ADD3: variants seen among roughly 807,000 people sequenced by gnomAD.
ADD3 encodes adducin 3, also known as gamma-adducin.
Under a neutral mutation model 80.2 loss-of-function variants are expected in ADD3, and 25 were observed. The ratio of observed to expected loss-of-function variants is 0.31; its 90% CI spans 0.23 to 0.44. The LOEUF (loss-of-function observed/expected upper bound fraction) is 0.44. Among genes scored for constraint, ADD3 ranks in the 20% least tolerant of loss-of-function variants. ADD3 has a pLI of 1.00. For missense variants in ADD3, 829 were observed against 847.5 expected (o/e 0.98, Z 0.27); for synonymous variants, 284 against 289.6 (o/e 0.98, Z 0.20).
chr10:110,121,212 G>A (rs985657141), intron 8 of ADD3, among the ~76,000 whole-genome samples: 12 of 152,078 alleles, frequency 7.9e-5, no homozygotes, highest in African/African-American at 1.4e-4. Flanking sequence ...GGCCAGGCAC[G>A]GTAGCTCATG....
At chr10:110,008,793 T>C (rs545787018) in intron 1 of ADD3, among the ~76,000 whole-genome samples, 1 of 152,270 alleles carries the variant, frequency 6.6e-6, no homozygotes, top group East Asian at 1.9e-4. Context: ...ATTTTTTTTG[T>C]TACAAGTTGA....
intron 1 of ADD3, among the ~76,000 whole-genome samples, chr10:110,059,756 G>A (rs953585485): frequency 3.9e-5 from 6 of 152,074 alleles, no homozygotes; most frequent in East Asian, 1.9e-4. Flanking sequence ...GTGACAGAGC[G>A]AGACTCTGTC....
chr10:110,117,104 G>GC (rs1282896170), intron 4 of ADD3, among the ~76,000 whole-genome samples: 1 of 152,040 alleles, frequency 6.6e-6, no homozygotes, highest in Non-Finnish European at 1.5e-5. Flanking sequence ...TAACCTTAGA[G>GC]CCCCAAAATA....
chr10:110,010,450 C>G (rs1026041627), intron 1 of ADD3, among the ~76,000 whole-genome samples: 1 of 152,182 alleles, frequency 6.6e-6, no homozygotes, highest in South Asian at 2.1e-4. Flanking sequence ...GGGGAACAGT[C>G]ACATCAGAAC....
chr10:110,034,292 G>A (rs1248228562), intron 1 of ADD3, among the ~76,000 whole-genome samples: 2 of 151,936 alleles, frequency 1.3e-5, no homozygotes, highest in African/African-American at 2.4e-5. Flanking sequence ...ACATAGAAAT[G>A]TTAATTTCTA....
chr10:110,019,998 T>C (rs1437203428), intron 1 of ADD3, among the ~76,000 whole-genome samples: 1 of 152,188 alleles, frequency 6.6e-6, no homozygotes, highest in Non-Finnish European at 1.5e-5. Context: ...ATACGTGAAA[T>C]GAGCAAGGAT....
chr10:110,111,464 A>G (rs1344012408), intron 2 of ADD3, among the ~76,000 whole-genome samples: 2 of 152,212 alleles, frequency 1.3e-5, no homozygotes. Flanking sequence ...GAACCATACT[A>G]GTAACTCGAG....
At position 110,010,892 on chromosome 10, in the gene ADD3, T is replaced by C. The variant is rs532907743; in HGVS notation, c.-30+2593T>C. ...CCACGACTATCAGGTGCACATGTCT[T>C]GTTTAACCACATCCTCTGGTATTAA... On this transcript the variant is annotated intron_variant, in intron 1 of 14. Transcript: ENST00000356080. 3.3e-5 allele frequency among the ~76,000 whole-genome samples: 5 copies of C among 152,300 alleles called. No homozygotes were observed. In the East Asian group the frequency reaches 9.7e-4, roughly 29 times the overall value.
chr10:110,070,991 G>T lies in ADD3; in HGVS notation c.-29-29634G>T, dbSNP rs113586886. On this transcript the variant is annotated intron_variant, in intron 1 of 14. Transcript: ENST00000356080. ...GTTTTTTGTTGTTTTTGGGGGGGGG[G>T]GGTGGGGAGCCAGCTTTGCCTCCTA... 1.1e-4 allele frequency among the ~76,000 whole-genome samples: 9 copies of T among 81,864 alleles called. 1 individual carries two copies. Among genetic ancestry groups the T allele is most frequent in the East Asian group, 7.3e-4 (2 of 2,722 alleles). 53.7% of individuals were successfully genotyped at this position (81,864 alleles called of 152,430 possible).
At chr10:110,097,201 C>T (rs1432590613) in intron 1 of ADD3, among the ~76,000 whole-genome samples, 1 of 152,130 alleles carries the variant, frequency 6.6e-6, no homozygotes, top group East Asian at 1.9e-4. Flanking sequence ...ATATAGCTTT[C>T]ATATGTATGA....
At chr10:110,118,531 A>G (rs1851066207) in intron 5 of ADD3, 56 bp from the exon 6 acceptor site, 1 of 1,509,128 alleles carries the variant, frequency 6.6e-7, no homozygotes, top group Admixed American at 1.7e-5. Flanking sequence ...TAGCTTGTGA[A>G]ACACAAACTT....
In ADD3 at chr10:110,097,350, G is replaced by A. The variant is rs572730408; in HGVS notation, c.-29-3275G>A. 2.6e-4 allele frequency among the ~76,000 whole-genome samples: 39 copies of A among 152,122 alleles called. No individual in the cohort carries two copies. The South Asian group carries it at 3.7e-3, about 15-fold the overall frequency. ...CATGGTATACTATAAAATTCAGGAG[G>A]GCCCTGAAAATTGTGGTATTAATAT... On this transcript the variant is annotated intron_variant, in intron 1 of 14. Transcript: ENST00000356080.
intron 1 of ADD3, among the ~76,000 whole-genome samples, chr10:110,083,438 C>G (rs556097438): frequency 6.6e-6 from 1 of 152,132 alleles, no homozygotes; most frequent in East Asian, 1.9e-4. Context: ...ATGGAGTGAA[C>G]CTGGGAGGCG....
At chr10:110,100,948 T>C in intron 2 of ADD3, 100 bp downstream of exon 2, 1 of 1,123,070 alleles carries the variant, frequency 8.9e-7, no homozygotes, top group Non-Finnish European at 1.2e-6. Context: ...AAAAGAGGGG[T>C]GGAGGAGGAG....
At chr10:110,094,514 C>T (rs1186137336) in intron 1 of ADD3, among the ~76,000 whole-genome samples, 1 of 152,104 alleles carries the variant, frequency 6.6e-6, no homozygotes, top group Non-Finnish European at 1.5e-5. Context: ...CATTTGTGCA[C>T]TTAGTGCCAT....
chr10:110,089,409 G>A (rs977811780), intron 1 of ADD3, among the ~76,000 whole-genome samples: 2 of 152,042 alleles, frequency 1.3e-5, no homozygotes, highest in Admixed American at 1.3e-4. Context: ...TGTCTGAGAC[G>A]CACATCTAAG....
intron 1 of ADD3, among the ~76,000 whole-genome samples, chr10:110,071,108 AT>A (rs1168188547): frequency 6.6e-6 from 1 of 151,980 alleles, no homozygotes; most frequent in Non-Finnish European, 1.5e-5. Context: ...ATTTCCCAAG[AT>A]TAAAAAAAAA....
intron 1 of ADD3, among the ~76,000 whole-genome samples, chr10:110,011,548 C>A (rs1852330996): frequency 6.6e-6 from 1 of 152,182 alleles, no homozygotes; most frequent in Admixed American, 6.5e-5. Context: ...ACACAGGTTA[C>A]TAATCTGTTT....
At chr10:110,116,147 T>A in intron 3 of ADD3, 112 bp from the exon 4 acceptor site, 1 of 959,562 alleles carries the variant, frequency 1.0e-6, no homozygotes, top group Non-Finnish European at 1.6e-6. Context: ...AAATTTCAGA[T>A]TATTATATAC....
Sources: allele counts gnomAD v4.1 joint callset (sites outside exome capture counted in the v4.1 genomes callset), GRCh38; gene constraint gnomAD v4.1.1; transcripts MANE v1.5; gene names NCBI Gene and HGNC (gene_info 2026-07-23, HGNC 2026-07-21).